Variants in CSMD1 observed in about 807,000 individuals in gnomAD.
CSMD1 encodes CUB and Sushi multiple domains 1, also known as CUB and sushi domain-containing protein 1.
A neutral mutation model predicts 417.5 loss-of-function variants in CSMD1; 213 were observed. That is an observed-to-expected ratio of 0.51 (90% CI 0.46 to 0.57). The LOEUF (loss-of-function observed/expected upper bound fraction) is 0.57. CSMD1 is among the 20% of genes least tolerant of loss of function. CSMD1 has a pLI of 0.00. For missense variants in CSMD1, 6,923 were observed against 4,529.7 expected, an observed-to-expected ratio of 1.53 and a Z score of -15.17; for synonymous variants, 2,862 against 1,736.8, an observed-to-expected ratio of 1.65 and a Z score of -16.11.
chr8:4,402,655 A>G (rs557295360), intron 3 of CSMD1, among the ~76,000 whole-genome samples: 1 of 152,128 alleles, frequency 6.6e-6, no homozygotes, highest in Non-Finnish European at 1.5e-5. Context: ...TCACATTTTC[A>G]TTAATGAATT....
chr8:3,699,715 C>T (rs889096250), intron 7 of CSMD1, among the ~76,000 whole-genome samples: 2 of 152,200 alleles, frequency 1.3e-5, no homozygotes, highest in Non-Finnish European at 2.9e-5. Flanking sequence ...GGAGAAGGAA[C>T]AGATGCTGAT....
chr8:3,133,872 G>T (rs987561362), intron 41 of CSMD1, among the ~76,000 whole-genome samples: 1 of 152,212 alleles, frequency 6.6e-6, no homozygotes, highest in Non-Finnish European at 1.5e-5. Flanking sequence ...TTCTTGCAAA[G>T]TCCTAGAAAG....
chr8:3,192,570 G>C (rs1265811227), intron 33 of CSMD1, among the ~76,000 whole-genome samples: 4 of 152,184 alleles, frequency 2.6e-5, no homozygotes, highest in African/African-American at 9.7e-5. Flanking sequence ...GAGCCAGATG[G>C]ATTTATGTAG....
intron 5 of CSMD1, among the ~76,000 whole-genome samples, chr8:3,807,343 T>C (rs1456229617): frequency 6.6e-6 from 1 of 152,132 alleles, no homozygotes; most frequent in Admixed American, 6.5e-5. Flanking sequence ...AAGAGAAAAG[T>C]AATAGAAAGT....
chr8:4,618,156 C>G (rs1462518967), intron 2 of CSMD1, among the ~76,000 whole-genome samples: 1 of 152,072 alleles, frequency 6.6e-6, no homozygotes, highest in African/African-American at 2.4e-5. Flanking sequence ...AACCAGAACC[C>G]AAACCTAGGG....
At chr8:3,237,725 T>G (rs1287817613) in intron 26 of CSMD1, among the ~76,000 whole-genome samples, 1 of 139,154 alleles carries the variant, frequency 7.2e-6, no homozygotes, top group African/African-American at 2.6e-5. Context: ...ATACTTATAC[T>G]ACAAATATAA....
intron 1 of CSMD1, among the ~76,000 whole-genome samples, chr8:4,649,909 A>T (rs906109016): frequency 6.6e-6 from 1 of 152,244 alleles, no homozygotes; most frequent in Non-Finnish European, 1.5e-5. Flanking sequence ...TGGGGGCACC[A>T]TGTGTTGATG....
At chr8:4,184,741 G>C (rs932424955) in intron 3 of CSMD1, among the ~76,000 whole-genome samples, 3 of 149,946 alleles carry the variant, frequency 2.0e-5, no homozygotes, top group Non-Finnish European at 4.4e-5. Context: ...TAACTAATGG[G>C]TACTGGGCTT....
intron 3 of CSMD1, among the ~76,000 whole-genome samples, chr8:4,403,932 T>C (rs556980204): frequency 6.6e-6 from 1 of 152,176 alleles, no homozygotes; most frequent in Non-Finnish European, 1.5e-5. Flanking sequence ...ATCTTCGCCT[T>C]TTGAAGTGTC....
chr8:4,855,473 G>A (rs1007186262), intron 1 of CSMD1, among the ~76,000 whole-genome samples: 23 of 152,034 alleles, frequency 1.5e-4, no homozygotes, highest in Non-Finnish European at 2.1e-4. Context: ...TCTCAGCTAC[G>A]GGAGGACATT....
intron 26 of CSMD1, among the ~76,000 whole-genome samples, chr8:3,260,450 G>C (rs1800975409): frequency 6.6e-6 from 1 of 151,948 alleles, no homozygotes; most frequent in African/African-American, 2.4e-5. Context: ...CATCAACTCA[G>C]CCCAGACTCC....
At chr8:3,355,125 T>C (rs1237245193) in intron 21 of CSMD1, among the ~76,000 whole-genome samples, 1 of 152,104 alleles carries the variant, frequency 6.6e-6, no homozygotes, top group Non-Finnish European at 1.5e-5. Flanking sequence ...CCAATGACTT[T>C]CTACTTTGTC....
intron 3 of CSMD1, among the ~76,000 whole-genome samples, chr8:4,149,534 C>G (rs531161760): frequency 6.6e-6 from 1 of 152,132 alleles, no homozygotes; most frequent in African/African-American, 2.4e-5. Flanking sequence ...CATTTCAATA[C>G]TAACCAAAAA....
intron 3 of CSMD1, among the ~76,000 whole-genome samples, chr8:4,180,640 A>G (rs1466043429): frequency 6.6e-6 from 1 of 152,168 alleles, no homozygotes; most frequent in Non-Finnish European, 1.5e-5. Context: ...ACAAAACAAA[A>G]GAAGTTCTAA....
intron 1 of CSMD1, among the ~76,000 whole-genome samples, chr8:4,742,666 G>C (rs547325656): frequency 8.1e-4 from 124 of 152,172 alleles, no homozygotes; most frequent in African/African-American, 2.9e-3. Context: ...TGTTAACATG[G>C]AGCATTTTTC....
At chr8:3,962,292 A>G (rs962483435) in intron 5 of CSMD1, among the ~76,000 whole-genome samples, 1 of 148,682 alleles carries the variant, frequency 6.7e-6, no homozygotes, top group Admixed American at 6.8e-5. Context: ...TGCCCTACAC[A>G]TTCAACTTGG....
intron 7 of CSMD1, among the ~76,000 whole-genome samples, chr8:3,631,289 A>G (rs1254780749): frequency 6.6e-6 from 1 of 152,192 alleles, no homozygotes; most frequent in Non-Finnish European, 1.5e-5. Flanking sequence ...ATGTAGGCCC[A>G]TGGTAGCAGC....
chr8:4,980,587 C>T (rs1423168492), intron 1 of CSMD1, among the ~76,000 whole-genome samples: 2 of 152,172 alleles, frequency 1.3e-5, no homozygotes, highest in Non-Finnish European at 2.9e-5. Flanking sequence ...AATTTGTGAA[C>T]TGGAAGGTCA....
At position 3,118,553 on chromosome 8, in the gene CSMD1, T is replaced by C; in HGVS notation, c.6276A>G (p.Pro2092=). The C allele has an allele frequency of 1.2e-6, 2 of 1,613,926 alleles. No homozygotes were observed. The highest frequency in any genetic ancestry group is 1.7e-6 in the Non-Finnish European group (2 of 1,179,866). Residue 2092 remains proline (P), a synonymous_variant, in exon 42 of 70, where the codon CCA becomes CCG. Coordinates refer to ENST00000635120, the MANE Select transcript of CSMD1 (RefSeq NM_033225.6). Reference sequence around the variant, plus strand: ...AGTTGATCATGTACCCATTCTGAAATGGGGGTGGATCTGGACAGTTCTGTA... The same window carrying C: ...AGTTGATCATGTACCCATTCTGAAACGGGGGTGGATCTGGACAGTTCTGTA... The part of the protein sequence containing the change: ...YELQNCPDPP[P]FQNGYMINSD...
Sources: allele counts gnomAD v4.1 joint callset (sites outside exome capture counted in the v4.1 genomes callset), GRCh38; gene constraint gnomAD v4.1.1; transcripts MANE v1.5; gene names NCBI Gene and HGNC (gene_info 2026-07-23, HGNC 2026-07-21).